The following USH2A variants were observed in gnomAD, a reference collection of about 807,000 sequenced individuals.
USH2A encodes usherin.
A neutral mutation model predicts 538.9 loss-of-function variants in USH2A; 443 were observed. That is an observed-to-expected ratio of 0.82 (90% CI 0.76 to 0.89). The LOEUF (loss-of-function observed/expected upper bound fraction) is 0.89. USH2A is among the 40% of genes least tolerant of loss of function. The probability of loss-of-function intolerance (pLI) is 0.00; values close to 1 mark genes in which losing one functional copy is unlikely to be tolerated. For missense variants in USH2A, 6,633 were observed against 6,324.8 expected (o/e 1.05, Z -1.65); for synonymous variants, 2,413 against 2,273.5 (o/e 1.06, Z -1.75).
chr1:215,625,985 T>G, intron 71 of USH2A, 115 bp from the exon 72 acceptor site: 1 of 1,008,864 alleles, frequency 9.9e-7, no homozygotes. Flanking sequence ...GGCTTTTTTA[T>G]TCTCAACACC....
intron 69 of USH2A, among the ~76,000 whole-genome samples, chr1:215,638,861 C>T (rs1198797187): frequency 6.6e-6 from 1 of 151,360 alleles, no homozygotes; most frequent in Non-Finnish European, 1.5e-5. Context: ...GCCTGTAATC[C>T]CAGCTACTCG....
At chr1:216,000,034 G>T (rs1668229424) in intron 33 of USH2A, among the ~76,000 whole-genome samples, 2 of 152,032 alleles carry the variant, frequency 1.3e-5, no homozygotes, top group Non-Finnish European at 2.9e-5. Flanking sequence ...GACATCAACT[G>T]CAGGTAATAA....
intron 4 of USH2A, among the ~76,000 whole-genome samples, chr1:216,336,253 T>C (rs2037972104): frequency 6.6e-6 from 1 of 151,428 alleles, no homozygotes; most frequent in Admixed American, 6.6e-5. Context: ...AGAAGACAAC[T>C]TCCTCATCTA....
chr1:215,983,209 G>T (rs751153677), intron 35 of USH2A, among the ~76,000 whole-genome samples: 6 of 152,044 alleles, frequency 3.9e-5, no homozygotes, highest in Non-Finnish European at 7.4e-5. Context: ...TGATACACAC[G>T]CCTCAGCCTC....
chr1:215,872,917 G>T (rs1045458292), intron 43 of USH2A, among the ~76,000 whole-genome samples: 2 of 151,882 alleles, frequency 1.3e-5, no homozygotes, highest in Non-Finnish European at 2.9e-5. Flanking sequence ...TTCCACCACG[G>T]GTAAAAGCTC....
chr1:215,777,868 T>G (rs1311610167), intron 55 of USH2A, among the ~76,000 whole-genome samples: 1 of 152,206 alleles, frequency 6.6e-6, no homozygotes, highest in Non-Finnish European at 1.5e-5. Flanking sequence ...TACAAGGATG[T>G]GATGAGAGTC....
chr1:216,328,291 A>C (rs1393364928), intron 4 of USH2A, among the ~76,000 whole-genome samples: 1 of 152,118 alleles, frequency 6.6e-6, no homozygotes, highest in African/African-American at 2.4e-5. Flanking sequence ...AGACCAATCT[A>C]CTTTGAATTA....
rs373012723 is a variant in USH2A, at chr1:216,409,635, G to A, written c.651+8879C>T. On this transcript the variant is annotated intron_variant, in intron 3 of 71. Transcript: ENST00000307340. Reference sequence around the variant, plus strand: ...TGACAAAAACAAGCAATGGGGAAAGGACTCCCTATTCAATAAATGTTGGGA... The same window carrying A: ...TGACAAAAACAAGCAATGGGGAAAGAACTCCCTATTCAATAAATGTTGGGA... Among the ~76,000 whole-genome samples, 455 of 152,178 alleles carry A rather than the reference G, an allele frequency of 3.0e-3. 5 individuals are homozygous for A. Among genetic ancestry groups the A allele is most frequent in the African/African-American group, 0.01 (431 of 41,546 alleles).
In USH2A at chr1:215,900,862, T is replaced by G; in HGVS notation, c.7344A>C (p.Pro2448=). Residue 2448 remains proline (P), a synonymous_variant, in exon 39 of 72, where the codon CCA becomes CCC. Transcript: ENST00000307340. The part of the protein sequence containing the change: ...VLPPRLSSAT[P]TSLQVVWSTP... ...TAGACCAGACAACCTGAAGACTGGTTGGAGTGGCAGATGAAAGCCTGGGAG... is the reference window on the plus strand; with the variant it reads ...TAGACCAGACAACCTGAAGACTGGTGGGAGTGGCAGATGAAAGCCTGGGAG... 1 of 1,613,748 alleles carries G rather than the reference T, an allele frequency of 6.2e-7. No individual in the cohort carries two copies. Among genetic ancestry groups the G allele is most frequent in the Non-Finnish European group, 8.5e-7 (1 of 1,179,772 alleles).
At chr1:215,857,874 G>A (rs1197861570) in intron 44 of USH2A, among the ~76,000 whole-genome samples, 1 of 152,140 alleles carries the variant, frequency 6.6e-6, no homozygotes, top group Non-Finnish European at 1.5e-5. Flanking sequence ...AACCCTAATG[G>A]TGTATAGCCA....
intron 20 of USH2A, among the ~76,000 whole-genome samples, chr1:216,179,760 GA>G (rs1449297424): frequency 1.3e-5 from 2 of 152,002 alleles, no homozygotes; most frequent in Non-Finnish European, 2.9e-5. Flanking sequence ...CATGCACATA[GA>G]ATCACCAAGA....
At chr1:216,181,297 T>C (rs1241070915) in intron 20 of USH2A, among the ~76,000 whole-genome samples, 1 of 152,094 alleles carries the variant, frequency 6.6e-6, no homozygotes, top group African/African-American at 2.4e-5. Context: ...TTCAAAATTC[T>C]TTGGTTGAAT....
chr1:216,308,556 T>G (rs2102633604), intron 9 of USH2A, among the ~76,000 whole-genome samples: 1 of 152,352 alleles, frequency 6.6e-6, no homozygotes, highest in South Asian at 2.1e-4. Flanking sequence ...ATTTAAATGT[T>G]ACCTTTGTCA....
intron 30 of USH2A, among the ~76,000 whole-genome samples, chr1:216,049,911 C>T (rs534915420): frequency 6.6e-5 from 10 of 152,200 alleles, no homozygotes; most frequent in African/African-American, 2.2e-4. Flanking sequence ...CACTTGGCAC[C>T]GTCATCTTAG....
rs185311616 is a variant in USH2A, at chr1:216,149,170, A to G, written c.4627+26082T>C. ...CAAACAACTTGACCTTACTGTTTTA[A>G]CCTAGCCCTCATGTCTGTGTGCAGC... On this transcript the variant is annotated intron_variant, in intron 21 of 71. Transcript: ENST00000307340. 9.7e-3 allele frequency among the ~76,000 whole-genome samples: 1,475 copies of G among 152,204 alleles called. 10 individuals carry two copies. Among genetic ancestry groups the G allele is most frequent in the South Asian group, 0.024 (118 of 4,824 alleles).
At chr1:215,887,047 C>T (rs369436728) in intron 41 of USH2A, among the ~76,000 whole-genome samples, 8 of 152,060 alleles carry the variant, frequency 5.3e-5, no homozygotes, top group South Asian at 2.1e-4. Flanking sequence ...TTAGTAGAGA[C>T]GGGGTTTCAC....
chr1:216,304,574 G>T (rs2037279108), intron 9 of USH2A, among the ~76,000 whole-genome samples: 1 of 151,252 alleles, frequency 6.6e-6, no homozygotes, highest in Non-Finnish European at 1.5e-5. Context: ...TTTGGTTTTT[G>T]TTTCTCTAGT....
At chr1:216,192,168 C>T (rs1308358347) in intron 19 of USH2A, among the ~76,000 whole-genome samples, 3 of 152,016 alleles carry the variant, frequency 2.0e-5, no homozygotes, top group Non-Finnish European at 4.4e-5. Context: ...ACCACTTTTA[C>T]GTATCCCCCC....
chr1:215,790,396 A>G, intron 50 of USH2A, 114 bp from the exon 51 acceptor site: 4 of 1,111,312 alleles, frequency 3.6e-6, no homozygotes, highest in Non-Finnish European at 5.3e-6. Flanking sequence ...GAAATGGTGC[A>G]ATACCTAAGG....
Sources: gnomAD v4.1 joint callset for allele counts (sites outside exome capture counted in the v4.1 genomes callset) on GRCh38, gnomAD v4.1.1 for gene constraint, MANE v1.5 for transcripts, NCBI Gene and HGNC (gene_info 2026-07-23, HGNC 2026-07-21) for gene names.